Variants in LPIN1 observed in about 807,000 individuals in gnomAD.
The protein encoded by LPIN1 is lipin 1.
A neutral mutation model predicts 107.5 loss-of-function variants in LPIN1; 71 were observed. That is an observed-to-expected ratio of 0.66 (90% CI 0.55 to 0.80). The LOEUF (loss-of-function observed/expected upper bound fraction) is 0.80, where lower values mean the gene tolerates loss of function less well. Ranked by LOEUF, LPIN1 falls within the 30% of genes least tolerant of loss-of-function variation. The probability of loss-of-function intolerance (pLI) is 0.00; values close to 1 mark genes in which losing one functional copy is unlikely to be tolerated. For synonymous variants in LPIN1, 445 were observed against 452.6 expected (o/e 0.98, Z 0.21); for missense variants, 1,043 against 1,160.6 (o/e 0.90, Z 1.47).
intron 1 of LPIN1, among the ~76,000 whole-genome samples, chr2:11,709,446 G>A (rs1031314003): frequency 2.0e-5 from 3 of 152,234 alleles, no homozygotes; most frequent in African/African-American, 7.2e-5. Flanking sequence ...TGGATTGCCT[G>A]ATCCCCAGGC....
In LPIN1 at chr2:11,771,526, GC is replaced by G; in HGVS notation, c.444del (p.Ser148ArgfsTer4). ...QVIAPSETPS[S>X]SSVVKKRRKR... ...ATCGCTCCCAGCGAGACGCCGTCAA[GC>G]AGCTCTGTAGTAAAGAAGAGAAGAA... On this transcript the variant is annotated frameshift_variant, in exon 4 of 21. Transcript: ENST00000674199. LOFTEE classifies it high-confidence loss of function. This position sits in a 1 kb window ranked among gnomAD's most constrained non-coding sequence, Gnocchi z 4.8. 1 of 1,614,188 alleles carries G rather than the reference GC, an allele frequency of 6.2e-7. No individual in the cohort carries two copies. Among genetic ancestry groups the G allele is most frequent in the South Asian group, 1.1e-5 (1 of 91,080 alleles).
Position 11,808,989 on chromosome 2 carries a change from G to C in LPIN1, c.2249+3833G>C, listed in dbSNP as rs935643234. On this transcript the variant is annotated intron_variant, in intron 17 of 20. Transcript: ENST00000674199. ...TGTTTTCTGCTGAATTTAATGACTTGTTTGGATCTAGTCAGCCCATGAGGA... is the reference window on the plus strand; with the variant it reads ...TGTTTTCTGCTGAATTTAATGACTTCTTTGGATCTAGTCAGCCCATGAGGA... 2.0e-5 allele frequency among the ~76,000 whole-genome samples: 3 copies of C among 152,020 alleles called. No homozygotes were observed. The East Asian group carries it at 5.8e-4, about 29-fold the overall frequency.
In LPIN1 at chr2:11,783,885, ATGGATCC is replaced by A; in HGVS notation, c.1324_1330del (p.Asp442LysfsTer51). On this transcript the variant is annotated frameshift_variant, in exon 9 of 21. Transcript: ENST00000674199. LOFTEE classifies it high-confidence loss of function. The stretch of plus-strand genomic sequence containing the variant: ...CGTCTACTTGGATGACCTCACAGAC[ATGGATCC>A]TGAAGTGGCGGCCCTGTATTTTCCC... The A allele has an allele frequency of 6.2e-7, 1 of 1,614,240 alleles. No homozygotes were observed. The highest frequency in any genetic ancestry group is 8.5e-7 in the Non-Finnish European group (1 of 1,180,038).
chr2:11,767,927 C>T (rs760398726), intron 3 of LPIN1, 69 bp downstream of exon 3: 41 of 1,011,652 alleles, frequency 4.1e-5, no homozygotes, highest in Admixed American at 1.2e-4. Context: ...TCTGGAAACA[C>T]GGCAGAAGTT....
At chr2:11,807,969 C>T (rs1037498876) in intron 17 of LPIN1, among the ~76,000 whole-genome samples, 1 of 152,166 alleles carries the variant, frequency 6.6e-6, no homozygotes, top group South Asian at 2.1e-4. Flanking sequence ...TCTAATCCAG[C>T]GACTCTGTTC....
chr2:11,752,674 G>A (rs566027232), intron 1 of LPIN1, among the ~76,000 whole-genome samples: 1 of 151,620 alleles, frequency 6.6e-6, no homozygotes, highest in African/African-American at 2.4e-5. Context: ...CTCGTGATCC[G>A]CCCGCCTCGG....
chr2:11,741,546 C>G (rs555643081), intron 2 of LPIN1: 1 of 780,450 alleles, frequency 1.3e-6, no homozygotes, highest in Non-Finnish European at 2.1e-6. Flanking sequence ...AACATTGCCA[C>G]TCGAGCTCAG....
At chr2:11,808,115 G>A (rs1293656037) in intron 17 of LPIN1, among the ~76,000 whole-genome samples, 1 of 152,068 alleles carries the variant, frequency 6.6e-6, no homozygotes, top group Non-Finnish European at 1.5e-5. Flanking sequence ...CAGTCCTCAG[G>A]CCACAATCTG....
chr2:11,812,405 G>A (rs1679822845), intron 17 of LPIN1, among the ~76,000 whole-genome samples: 1 of 152,096 alleles, frequency 6.6e-6, no homozygotes, highest in African/African-American at 2.4e-5. Flanking sequence ...AAGGGCCAGT[G>A]CCTGGGTGAG....
At chr2:11,787,243 A>G in intron 11 of LPIN1, 76 bp downstream of exon 11, 1 of 979,046 alleles carries the variant, frequency 1.0e-6, no homozygotes, top group Non-Finnish European at 1.7e-6. Flanking sequence ...AGACCTAGAC[A>G]TTAAGCCTTA....
intron 7 of LPIN1, 151 bp from the exon 8 acceptor site, chr2:11,782,050 T>G: frequency 1.5e-6 from 1 of 664,782 alleles, no homozygotes; most frequent in Non-Finnish European, 2.7e-6. Flanking sequence ...TCTGGACTTT[T>G]TGGCAGGTAT....
intron 12 of LPIN1, among the ~76,000 whole-genome samples, chr2:11,788,765 C>T (rs944337075): frequency 6.6e-6 from 1 of 152,306 alleles, no homozygotes; most frequent in Admixed American, 6.5e-5. Flanking sequence ...CCTCAGAGCC[C>T]AGTGAGGACA....
intron 12 of LPIN1, among the ~76,000 whole-genome samples, chr2:11,790,238 T>G (rs1675480455): frequency 6.6e-6 from 1 of 152,240 alleles, no homozygotes; most frequent in African/African-American, 2.4e-5. Flanking sequence ...GGAAACAGAA[T>G]GACTAAAAGT....
At chr2:11,702,344 G>T (rs909319754) in intron 1 of LPIN1, among the ~76,000 whole-genome samples, 1 of 152,192 alleles carries the variant, frequency 6.6e-6, no homozygotes, top group Non-Finnish European at 1.5e-5. Context: ...AGGCCCTGGG[G>T]TGAACAGCAC....
chr2:11,799,030 T>G (rs16857883), intron 14 of LPIN1, among the ~76,000 whole-genome samples: 5,598 of 152,286 alleles, frequency 0.037, 332 homozygotes, highest in African/African-American at 0.13. Context: ...CAAGCAACAT[T>G]TAATGAGCCA....
upstream of LPIN1, chr2:11,746,553 T>TTGCCCCGCC (rs1666940983): frequency 1.6e-6 from 1 of 625,802 alleles, no homozygotes; most frequent in African/African-American, 2.0e-5. Context: ...ACCGCCCCGC[T>TTGCCCCGCC]TGCCCCGCCC....
At chr2:11,759,123 G>GCTTTCTTTCTTTT (rs1411943440) in intron 1 of LPIN1, among the ~76,000 whole-genome samples, 1 of 146,760 alleles carries the variant, frequency 6.8e-6, no homozygotes, top group African/African-American at 2.6e-5. Flanking sequence ...TAGCTAGCTT[G>GCTTTCTTTCTTTT]CTTTCTTTCT....
At chr2:11,778,425 A>T (rs999102306) in intron 6 of LPIN1, among the ~76,000 whole-genome samples, 2 of 152,222 alleles carry the variant, frequency 1.3e-5, no homozygotes, top group Admixed American at 1.3e-4. Context: ...AAAGAGATTC[A>T]GGATCAGTTT....
intron 3 of LPIN1, among the ~76,000 whole-genome samples, chr2:11,768,800 G>T (rs1183014567): frequency 6.6e-6 from 1 of 152,154 alleles, no homozygotes; most frequent in African/African-American, 2.4e-5. Flanking sequence ...GCTGGGCGTG[G>T]TGGCGGGTGC....
Sources: gnomAD v4.1 joint callset for allele counts (sites outside exome capture counted in the v4.1 genomes callset) on GRCh38, gnomAD v4.1.1 for gene constraint, Gnocchi (gnomAD v3.1) non-coding constraint, MANE v1.5 for transcripts, NCBI Gene and HGNC (gene_info 2026-07-23, HGNC 2026-07-21) for gene names.